Variants in ABCB1 observed in about 807,000 individuals in gnomAD.
ABCB1 encodes ATP binding cassette subfamily B member 1, also known as ATP-dependent translocase ABCB1.
In ABCB1, 69 loss-of-function variants were observed where a neutral mutation model predicts 142.0. That is an observed-to-expected ratio of 0.49 (90% CI 0.40 to 0.59). The LOEUF is 0.59. ABCB1 is among the 20% of genes least tolerant of loss of function. The probability of loss-of-function intolerance (pLI) is 0.00; values close to 1 mark genes in which losing one functional copy is unlikely to be tolerated. For synonymous variants in ABCB1, 532 were observed against 539.2 expected (o/e 0.99, Z 0.18); for missense variants, 1,326 against 1,554.7 (o/e 0.85, Z 2.47).
chr7:87,627,584 C>T (rs1051468468), intron 1 of ABCB1: 1 of 152,208 alleles, frequency 6.6e-6, no homozygotes, highest in Admixed American at 6.5e-5. Flanking sequence ...AGGACCTGAC[C>T]CAAGCTGGGA....
chr7:87,647,904 GC>G (rs757482718), intron 1 of ABCB1, among the ~76,000 whole-genome samples: 2 of 152,072 alleles, frequency 1.3e-5, no homozygotes, highest in African/African-American at 2.4e-5. Context: ...AAAATGATAG[GC>G]CAGGCACGGT....
intron 7 of ABCB1, among the ~76,000 whole-genome samples, chr7:87,562,606 G>C (rs1464426335): frequency 6.6e-6 from 1 of 152,078 alleles, no homozygotes; most frequent in Non-Finnish European, 1.5e-5. Flanking sequence ...GTTTAAAAAT[G>C]TTATTTTAAT....
chr7:87,694,235 C>A (rs908787614), intron 1 of ABCB1, among the ~76,000 whole-genome samples: 4 of 152,016 alleles, frequency 2.6e-5, no homozygotes, highest in Non-Finnish European at 5.9e-5. Flanking sequence ...TGTGAAGTAG[C>A]AGCTCAGGGA....
chr7:87,666,025 G>A (rs1428450094), intron 1 of ABCB1, among the ~76,000 whole-genome samples: 1 of 152,074 alleles, frequency 6.6e-6, no homozygotes, highest in East Asian at 1.9e-4. Flanking sequence ...TGGGTCGAAT[G>A]GTAGTTCTTT....
intron 4 of ABCB1, among the ~76,000 whole-genome samples, chr7:87,577,147 C>T (rs1043724939): frequency 2.0e-5 from 3 of 152,150 alleles, no homozygotes; most frequent in Admixed American, 1.3e-4. Context: ...TTAGCTCCCA[C>T]AAATAAGTGA....
chr7:87,581,650 T>A (rs925325983), intron 4 of ABCB1, among the ~76,000 whole-genome samples: 1 of 152,080 alleles, frequency 6.6e-6, no homozygotes, highest in African/African-American at 2.4e-5. Flanking sequence ...TAAGGCAAAG[T>A]ATTGGGACGA....
At chr7:87,613,338 A>G (rs1819926334) in intron 1 of ABCB1, among the ~76,000 whole-genome samples, 2 of 145,256 alleles carry the variant, frequency 1.4e-5, no homozygotes, top group African/African-American at 5.0e-5. Context: ...AGAACTACCA[A>G]TTGGCCCAGC....
intron 1 of ABCB1, among the ~76,000 whole-genome samples, chr7:87,709,703 A>T (rs1172753653): frequency 2.0e-5 from 3 of 152,160 alleles, no homozygotes; most frequent in African/African-American, 7.2e-5. Context: ...CTGGTAGTTG[A>T]CAATCATATA....
chr7:87,561,448 TA>T (rs1817561342), intron 7 of ABCB1, 61 bp from the exon 8 acceptor site: 3 of 1,479,408 alleles, frequency 2.0e-6, no homozygotes, highest in South Asian at 2.4e-5. Flanking sequence ...TTTTGTAAAG[TA>T]AAAATAAATG....
chr7:87,584,543 AGAGAGAGAGAGG>A (rs1342584139), intron 4 of ABCB1, among the ~76,000 whole-genome samples: 1 of 151,748 alleles, frequency 6.6e-6, no homozygotes, highest in African/African-American at 2.4e-5. Flanking sequence ...ATCGAGAAAG[AGAGAGAGAGAGG>A]GAGAGAGAGG....
intron 1 of ABCB1, among the ~76,000 whole-genome samples, chr7:87,653,742 C>A (rs1436988478): frequency 6.6e-6 from 1 of 151,814 alleles, no homozygotes; most frequent in African/African-American, 2.4e-5. Flanking sequence ...TCTTTTCTTT[C>A]TCCCAGGTAA....
At position 87,552,711 on chromosome 7, in the gene ABCB1, G is replaced by GAAAA. The variant is rs68010470; in HGVS notation, c.999+1046_999+1049dup. 3.5e-4 allele frequency among the ~76,000 whole-genome samples: 49 copies of GAAAA among 141,360 alleles called. No homozygotes were observed. The East Asian group carries it at 7.5e-3, about 22-fold the overall frequency. The allele number at this position is 141,360 out of a possible 152,430, so 92.7% of individuals were successfully genotyped here. A position where few individuals can be genotyped will look rare whatever the true frequency, so the allele number is the denominator to read the frequency against. ...GAGCAATGTTGGATAAGGCAAATTT[G>GAAAA]AAAAAAAAAGAAAAAGAAGTGATTA... On this transcript the variant is annotated intron_variant, in intron 9 of 27. Transcript: ENST00000622132.
intron 1 of ABCB1, among the ~76,000 whole-genome samples, chr7:87,633,380 T>C (rs1821417971): frequency 6.6e-6 from 1 of 152,192 alleles, no homozygotes; most frequent in Non-Finnish European, 1.5e-5. Flanking sequence ...TAATCCTTAT[T>C]GATGACTTTA....
chr7:87,612,315 C>A (rs944556959), intron 1 of ABCB1, among the ~76,000 whole-genome samples: 3 of 151,996 alleles, frequency 2.0e-5, no homozygotes, highest in African/African-American at 7.2e-5. Flanking sequence ...CTTTTAGGGT[C>A]TTAGTCATAA....
chr7:87,617,313 A>T (rs1820063154), intron 1 of ABCB1, among the ~76,000 whole-genome samples: 1 of 152,224 alleles, frequency 6.6e-6, no homozygotes, highest in Admixed American at 6.5e-5. Flanking sequence ...TTTTGATAGA[A>T]GATAACAAAG....
At chr7:87,604,170 T>C (rs1819565345), upstream of ABCB1, among the ~76,000 whole-genome samples, 1 of 152,208 alleles carries the variant, frequency 6.6e-6, no homozygotes, top group African/African-American at 2.4e-5. Context: ...TTTAATTCTT[T>C]TGGATGTTTT....
At chr7:87,519,142 G>T (rs574385264) in intron 23 of ABCB1, among the ~76,000 whole-genome samples, 184 bp downstream of exon 23, 2 of 152,216 alleles carry the variant, frequency 1.3e-5, no homozygotes, top group Non-Finnish European at 2.9e-5. Flanking sequence ...AGAAGTTACT[G>T]CTCCTCCAAA....
rs1029026965 is a variant in ABCB1 at position 87,637,306 on chromosome 7, G to A, written c.-330-36228C>T. Among the ~76,000 whole-genome samples, 14 of 152,166 alleles carry A rather than the reference G, an allele frequency of 9.2e-5. 1 individual carries two copies. Among genetic ancestry groups the A allele is most frequent in the Middle Eastern group, 3.4e-3 (1 of 294 alleles). On this transcript the variant is annotated intron_variant, in intron 1 of 28. Coordinates refer to the ABCB1 transcript ENST00000265724. ...TATTTGTCTCTCCTGAGCTAATATCGTACTAAATTAATACCTATAACTTTA... is the reference window on the plus strand; with the variant it reads ...TATTTGTCTCTCCTGAGCTAATATCATACTAAATTAATACCTATAACTTTA...
intron 1 of ABCB1, among the ~76,000 whole-genome samples, chr7:87,679,974 C>T (rs1826762878): frequency 6.7e-6 from 1 of 150,254 alleles, no homozygotes; most frequent in Non-Finnish European, 1.5e-5. Flanking sequence ...TTTGCTGCAC[C>T]CATCAACCTG....
Sources: allele counts gnomAD v4.1 joint callset (sites outside exome capture counted in the v4.1 genomes callset), GRCh38; gene constraint gnomAD v4.1.1; transcripts MANE v1.5; gene names NCBI Gene and HGNC (gene_info 2026-07-23, HGNC 2026-07-21).